The following ATP6V0D1 variants were observed in gnomAD, a reference collection of about 807,000 sequenced individuals.
ATP6V0D1 encodes V-type proton ATPase subunit d 1.
A neutral mutation model predicts 39.0 loss-of-function variants in ATP6V0D1; 13 were observed. That is an observed-to-expected ratio of 0.33 (90% CI 0.22 to 0.53). ATP6V0D1 has a LOEUF of 0.53. Among genes scored for constraint, ATP6V0D1 ranks in the 20% least tolerant of loss-of-function variants. The probability of loss-of-function intolerance (pLI) is 0.94; values close to 1 mark genes in which losing one functional copy is unlikely to be tolerated. For missense variants in ATP6V0D1, 272 were observed against 470.9 expected, an observed-to-expected ratio of 0.58 and a Z score of 3.91; for synonymous variants, 191 against 191.2, an observed-to-expected ratio of 1.00 and a Z score of 0.01.
In ATP6V0D1 at chr16:67,444,232, CATGAG is replaced by C. The variant is rs2041088756; in HGVS notation, c.481+291_481+295del. Among the ~76,000 whole-genome samples, 1 of 152,224 alleles carries C rather than the reference CATGAG, an allele frequency of 6.6e-6. No individual in the cohort carries two copies. Among genetic ancestry groups the C allele is most frequent in the African/African-American group, 2.4e-5 (1 of 41,464 alleles). ...GACTTGGGCCTCTCTCACTCTTCTC[CATGAG>C]CTCAGCCCTCCTCTGCACTCTGGGA... On this transcript the variant is annotated intron_variant, in intron 3 of 7. Coordinates refer to ENST00000290949, the MANE Select transcript of ATP6V0D1 (RefSeq NM_004691.5). This position sits in a 1 kb window ranked among gnomAD's most constrained non-coding sequence, Gnocchi z 4.8.
Position 67,480,013 on chromosome 16 carries a change from A to C in ATP6V0D1, c.130+944T>G, listed in dbSNP as rs946389772. On this transcript the variant is annotated intron_variant, in intron 1 of 7. Transcript: ENST00000290949. ...AGGAGATCGAGACCATCCCGGCTAA[A>C]ACGGTGAAACCCCGTCTCTACTAAA... Among the ~76,000 whole-genome samples, 5 of 111,186 alleles carry C rather than the reference A, an allele frequency of 4.5e-5. 1 individual carries two copies. Among genetic ancestry groups the C allele is most frequent in the African/African-American group, 4.5e-4 (5 of 11,184 alleles). The allele number at this position is 111,186 out of a possible 152,430, so 72.9% of individuals were successfully genotyped here.
At chr16:67,451,063 G>A (rs913821975) in intron 2 of ATP6V0D1, among the ~76,000 whole-genome samples, 4 of 152,236 alleles carry the variant, frequency 2.6e-5, no homozygotes, top group Admixed American at 6.5e-5. Context: ...GCAGGGTGCT[G>A]AGTAGGTAGA....
intron 1 of ATP6V0D1, among the ~76,000 whole-genome samples, chr16:67,475,714 G>A (rs2041408989): frequency 6.6e-6 from 1 of 152,182 alleles, no homozygotes; most frequent in African/African-American, 2.4e-5. Flanking sequence ...AATCCAGCAA[G>A]CTGTTTGCTT....
chr16:67,462,327 G>A (rs1227420729), intron 1 of ATP6V0D1, among the ~76,000 whole-genome samples: 1 of 152,226 alleles, frequency 6.6e-6, no homozygotes, highest in East Asian at 1.9e-4. Context: ...CACTTTGACC[G>A]AAGCAAGCTA....
At chr16:67,461,111 C>G (rs2041286269) in intron 1 of ATP6V0D1, among the ~76,000 whole-genome samples, 1 of 152,204 alleles carries the variant, frequency 6.6e-6, no homozygotes, top group South Asian at 2.1e-4. Context: ...ACCATGAGCC[C>G]AGCAGTGTGT....
chr16:67,451,438 C>G (rs2041179305), intron 2 of ATP6V0D1, among the ~76,000 whole-genome samples: 2 of 152,164 alleles, frequency 1.3e-5, no homozygotes, highest in Admixed American at 6.5e-5. Context: ...CCACAAGGGA[C>G]TGAGAGTGGG....
rs2041090287 is a variant in ATP6V0D1 at position 67,444,383 on chromosome 16, A to C, written c.481+145T>G. 1.2e-6 allele frequency: 1 copy of C among 827,600 alleles called. No homozygotes were observed. Among genetic ancestry groups the C allele is most frequent in the African/African-American group, 1.7e-5 (1 of 57,682 alleles). The allele number at this position is 827,600 out of a possible 1,614,324, so 51.3% of individuals were successfully genotyped here. A position where few individuals can be genotyped will look rare whatever the true frequency, so the allele number is the denominator to read the frequency against. ...GAAGTGAGGAGAGAATCGGAGGAGG[A>C]AGTTGAAGGGAGACAAAGGTAAGCA... On this transcript the variant is annotated intron_variant, in intron 3 of 7. Transcript: ENST00000290949. The surrounding 1 kb of genome is among the most constrained non-coding windows in gnomAD (Gnocchi z 4.8).
At chr16:67,471,681 T>A (rs1037287229) in intron 1 of ATP6V0D1, among the ~76,000 whole-genome samples, 6 of 151,560 alleles carry the variant, frequency 4.0e-5, no homozygotes, top group African/African-American at 1.2e-4. Context: ...TATTATTAAT[T>A]TTTTTTTTGA....
chr16:67,463,532 CAAAGAAAGAAA>C (rs2041305611), intron 1 of ATP6V0D1, among the ~76,000 whole-genome samples: 2 of 81,742 alleles, frequency 2.4e-5, no homozygotes, highest in African/African-American at 4.7e-5. Flanking sequence ...ATGAAAGAAA[CAAAGAAAGAAA>C]AAAGAAAGAG....
At position 67,438,473 on chromosome 16, in the gene ATP6V0D1, GCACA is replaced by G. The variant is rs145078546; in HGVS notation, c.*51_*54del. On this transcript the variant is annotated 3_prime_UTR_variant, in exon 8 of 8. Transcript: ENST00000290949. ...CATACACACACACGCACACACACGC[GCACA>G]CACACACACACACACACAAAGAGTG... 6.8e-3 allele frequency: 9,061 copies of G among 1,329,354 alleles called. 263 individuals are homozygous for G. The East Asian group carries it at 0.12, about 18-fold the overall frequency. 82.3% of individuals were successfully genotyped at this position (1,329,354 alleles called of 1,614,324 possible). A position where few individuals can be genotyped will look rare whatever the true frequency, so the allele number is the denominator to read the frequency against.
At chr16:67,475,383 G>T (rs534190374) in intron 1 of ATP6V0D1, among the ~76,000 whole-genome samples, 52 of 152,314 alleles carry the variant, frequency 3.4e-4, no homozygotes, top group African/African-American at 1.2e-3. Flanking sequence ...AATGTTGAAA[G>T]GCACAAAGAG....
chr16:67,458,780 C>T lies in ATP6V0D1; in HGVS notation c.131-5065G>A, dbSNP rs1176901695. The stretch of plus-strand genomic sequence containing the variant: ...AGACCAACTTGGTCTCCCGGTATCT[C>T]CAGCCTTCCCTCAGGCCTAGGCTTG... On this transcript the variant is annotated intron_variant, in intron 1 of 7. Transcript: ENST00000290949. Among the ~76,000 whole-genome samples, 3 of 152,208 alleles carry T rather than the reference C, an allele frequency of 2.0e-5. No homozygotes were observed. The South Asian group carries it at 6.2e-4, about 31-fold the overall frequency.
chr16:67,468,238 G>A (rs1365707894), intron 1 of ATP6V0D1, among the ~76,000 whole-genome samples: 3 of 152,100 alleles, frequency 2.0e-5, no homozygotes, highest in Non-Finnish European at 4.4e-5. Flanking sequence ...GCTGCAGTGG[G>A]TCATGATCAT....
intron 1 of ATP6V0D1, among the ~76,000 whole-genome samples, chr16:67,473,378 T>C (rs575657137): frequency 6.6e-6 from 1 of 152,258 alleles, no homozygotes; most frequent in African/African-American, 2.4e-5. Context: ...AGATGGAGTC[T>C]TACTCTGTCA....
At position 67,481,027 on chromosome 16, in the gene ATP6V0D1, C is replaced by G. The variant is rs931145462; in HGVS notation, c.60G>C (p.Val20=). The G allele has an allele frequency of 5.0e-6, 8 of 1,614,216 alleles. No individual in the cohort carries two copies. Among genetic ancestry groups the G allele is most frequent in the Non-Finnish European group, 5.9e-6 (7 of 1,180,016 alleles). ...NVDNGYLEGL[V]RGLKAGVLSQ... is the part of the protein sequence containing the mutation. ...TGAGCACCCCGGCCTTCAGGCCGCG[C>G]ACCAGTCCCTCCAAGTAGCCATTGT... Residue 20 remains valine (V), a synonymous_variant, in exon 1 of 8, where the codon GTG becomes GTC. Coordinates refer to ENST00000290949, the MANE Select transcript of ATP6V0D1 (RefSeq NM_004691.5).
chr16:67,458,570 C>T (rs2041262424), intron 1 of ATP6V0D1, among the ~76,000 whole-genome samples: 1 of 152,216 alleles, frequency 6.6e-6, no homozygotes, highest in Non-Finnish European at 1.5e-5. Context: ...CTCTGGTCTA[C>T]CCACAAGCCC....
chr16:67,472,072 C>T (rs1202318037), intron 1 of ATP6V0D1, among the ~76,000 whole-genome samples: 2 of 152,176 alleles, frequency 1.3e-5, no homozygotes, highest in East Asian at 3.9e-4. Flanking sequence ...CCCTGCCTAG[C>T]CCTAGCCTCC....
In ATP6V0D1 at chr16:67,481,129, G is replaced by T. The variant is rs375413527; in HGVS notation, c.-43C>A. On this transcript the variant is annotated 5_prime_UTR_variant, in exon 1 of 8. Coordinates refer to ENST00000290949, the MANE Select transcript of ATP6V0D1 (RefSeq NM_004691.5). ...CGGGACCGGAGAACCAGGACCGGCC[G>T]GCACGAATCGCGACTCCCCAGGTCA... 1 of 1,610,996 alleles carries T rather than the reference G, an allele frequency of 6.2e-7. No homozygotes were observed. The highest frequency in any genetic ancestry group is 1.1e-5 in the South Asian group (1 of 90,762).
chr16:67,442,784 T>C (rs1207911156), intron 4 of ATP6V0D1, among the ~76,000 whole-genome samples: 2 of 152,164 alleles, frequency 1.3e-5, no homozygotes, highest in Non-Finnish European at 2.9e-5. Flanking sequence ...GGCCACGGCC[T>C]GGGTGGTAGT....
Sources: gnomAD v4.1 joint callset for allele counts (sites outside exome capture counted in the v4.1 genomes callset) on GRCh38, gnomAD v4.1.1 for gene constraint, Gnocchi (gnomAD v3.1) non-coding constraint, MANE v1.5 for transcripts, NCBI Gene and HGNC (gene_info 2026-07-23, HGNC 2026-07-21) for gene names.